Variants in SCAPER observed in about 807,000 individuals in gnomAD.
SCAPER encodes the protein S phase cyclin A-associated protein in the endoplasmic reticulum.
In SCAPER, 98 loss-of-function variants were observed where a neutral mutation model predicts 182.2. The observed-to-expected ratio is 0.54, with a 90% confidence interval of 0.46 to 0.64. The LOEUF is 0.64. Ranked by LOEUF, SCAPER falls within the 30% of genes least tolerant of loss-of-function variation. The pLI, the probability that SCAPER is intolerant of heterozygous loss-of-function variation, is 0.00. For missense variants in SCAPER, 1,432 were observed against 1,690.0 expected (o/e 0.85, Z 2.68); for synonymous variants, 605 against 564.6 (o/e 1.07, Z -1.01).
At chr15:76,464,953 T>A (rs2049483708) in intron 25 of SCAPER, among the ~76,000 whole-genome samples, 1 of 152,280 alleles carries the variant, frequency 6.6e-6, no homozygotes, top group Middle Eastern at 3.4e-3. Flanking sequence ...TATCTCATTG[T>A]GGTTTTGATT....
At chr15:76,426,588 A>G (rs2046451391) in intron 26 of SCAPER, among the ~76,000 whole-genome samples, 2 of 152,194 alleles carry the variant, frequency 1.3e-5, no homozygotes, top group Admixed American at 1.3e-4. Context: ...ATGGAAAAAT[A>G]TCCTGTGTTC....
At chr15:76,568,224 T>TATATATATATAC (rs1246463146) in intron 23 of SCAPER, among the ~76,000 whole-genome samples, 5 of 142,854 alleles carry the variant, frequency 3.5e-5, no homozygotes, top group African/African-American at 1.0e-4. Flanking sequence ...TATATATATA[T>TATATATATATAC]ACAAATGGGA....
intron 14 of SCAPER, among the ~76,000 whole-genome samples, chr15:76,756,033 C>T (rs918039876): frequency 3.3e-5 from 5 of 152,024 alleles, no homozygotes; most frequent in African/African-American, 7.2e-5. Context: ...ACTTCAGGTC[C>T]GGAGTTCGAG....
Position 76,404,523 on chromosome 15 carries a change from C to T in SCAPER, c.3467+1G>A, listed in dbSNP as rs1596462768. ...AGATTGAGATCAAGTAGATGCCTTA[C>T]CTTCCAGTGACAGCAAAGCACAGTG... On this transcript the variant is annotated splice_donor_variant, in intron 27 of 31. Transcript: ENST00000563290. LOFTEE classifies it high-confidence loss of function. The T allele has an allele frequency of 6.3e-7, 1 of 1,595,596 alleles. No individual in the cohort carries two copies. The highest frequency in any genetic ancestry group is 8.6e-7 in the Non-Finnish European group (1 of 1,167,692).
At chr15:76,586,179 T>C (rs2048640901) in intron 22 of SCAPER, among the ~76,000 whole-genome samples, 1 of 152,132 alleles carries the variant, frequency 6.6e-6, no homozygotes, top group Non-Finnish European at 1.5e-5. Flanking sequence ...TAAGTTTGCA[T>C]GGGGTGGTGG....
chr15:76,499,485 G>A (rs1409338635), intron 24 of SCAPER, among the ~76,000 whole-genome samples: 4 of 152,108 alleles, frequency 2.6e-5, no homozygotes, highest in East Asian at 1.9e-4. Context: ...CCCTTTTACT[G>A]CTTTGCTTTC....
intron 22 of SCAPER, among the ~76,000 whole-genome samples, chr15:76,602,645 T>G (rs538289207): frequency 8.2e-6 from 1 of 121,362 alleles, no homozygotes; most frequent in African/African-American, 2.5e-5. Context: ...CAGTCATGAT[T>G]GTTTCAAATA....
intron 26 of SCAPER, among the ~76,000 whole-genome samples, chr15:76,405,764 T>G (rs1054072679): frequency 6.6e-6 from 1 of 152,224 alleles, no homozygotes; most frequent in Non-Finnish European, 1.5e-5. Flanking sequence ...ACTGCAAATA[T>G]AGCAGTTCTG....
intron 10 of SCAPER, among the ~76,000 whole-genome samples, chr15:76,771,214 G>A (rs994691584): frequency 3.3e-5 from 5 of 152,078 alleles, no homozygotes; most frequent in Non-Finnish European, 5.9e-5. Context: ...GCAAAAGGAA[G>A]AGATGGGTAG....
intron 21 of SCAPER, among the ~76,000 whole-genome samples, chr15:76,652,402 A>ATATATATATATATG (rs1567707828): frequency 1.0e-5 from 1 of 96,602 alleles, no homozygotes; most frequent in African/African-American, 4.2e-5. Context: ...ATATATATAT[A>ATATATATATATATG]GCACTTTGGA....
At position 76,667,688 on chromosome 15, in the gene SCAPER, A is replaced by G. The variant is rs991834058; in HGVS notation, c.2509-1899T>C. On this transcript the variant is annotated intron_variant, in intron 20 of 31. Coordinates refer to ENST00000563290, the MANE Select transcript of SCAPER (RefSeq NM_020843.4). ...CGCTCCTCAGCCAGAACAGCAGCTC[A>G]ACACCTGTAATCCCAAAACTTTGGG... Among the ~76,000 whole-genome samples, 3 of 145,648 alleles carry G rather than the reference A, an allele frequency of 2.1e-5. No individual in the cohort carries two copies. In the Admixed American group the frequency reaches 2.1e-4, roughly 10 times the overall value.
chr15:76,905,250 C>A (rs955753449), intron 1 of SCAPER, 49 bp downstream of exon 1: 10 of 193,436 alleles, frequency 5.2e-5, no homozygotes, highest in Non-Finnish European at 1.1e-4. Context: ...CGCGCCCCAA[C>A]CCGGACCCGC....
intron 7 of SCAPER, among the ~76,000 whole-genome samples, chr15:76,799,287 AT>A (rs11395127): frequency 1.0e-3 from 146 of 140,452 alleles, no homozygotes; most frequent in Middle Eastern, 3.9e-3. Flanking sequence ...ATCTCCTGGA[AT>A]TTTTTTTTTT....
At chr15:76,818,886 G>A (rs1008712755) in intron 5 of SCAPER, among the ~76,000 whole-genome samples, 5 of 152,348 alleles carry the variant, frequency 3.3e-5, no homozygotes, top group Middle Eastern at 3.4e-3. Context: ...GTCATCCCAC[G>A]CTAATACTGT....
At chr15:76,709,909 CCA>C (rs2059472566) in intron 17 of SCAPER, among the ~76,000 whole-genome samples, 1 of 152,122 alleles carries the variant, frequency 6.6e-6, no homozygotes, top group African/African-American at 2.4e-5. Flanking sequence ...AGAGTAAAAC[CCA>C]CAGTCATCTT....
At chr15:76,803,104 T>C (rs758870233) in intron 6 of SCAPER, among the ~76,000 whole-genome samples, 8 of 152,134 alleles carry the variant, frequency 5.3e-5, no homozygotes, top group Non-Finnish European at 1.5e-5. Context: ...AAACCCTTTA[T>C]TGGCTCAAAG....
intron 10 of SCAPER, among the ~76,000 whole-genome samples, chr15:76,770,968 T>C (rs1413874141): frequency 6.6e-6 from 1 of 152,146 alleles, no homozygotes; most frequent in Non-Finnish European, 1.5e-5. Flanking sequence ...TCTACTGTTA[T>C]TATCCCTATA....
At chr15:76,641,463 G>T (rs1239636501) in intron 21 of SCAPER, among the ~76,000 whole-genome samples, 1 of 151,978 alleles carries the variant, frequency 6.6e-6, no homozygotes, top group Non-Finnish European at 1.5e-5. Flanking sequence ...GGGACCACAA[G>T]GCGATGACCC....
At chr15:76,351,111 G>T in intron 31 of SCAPER, 126 bp downstream of exon 31, 2 of 729,012 alleles carry the variant, frequency 2.7e-6, no homozygotes, top group Non-Finnish European at 2.1e-6. Flanking sequence ...CTTGGTATCT[G>T]AATCTCAAAT....
Sources: gnomAD v4.1 joint callset for allele counts (sites outside exome capture counted in the v4.1 genomes callset) on GRCh38, gnomAD v4.1.1 for gene constraint, MANE v1.5 for transcripts, NCBI Gene and HGNC (gene_info 2026-07-23, HGNC 2026-07-21) for gene names.